Variants in EXOC1 observed in about 807,000 individuals in gnomAD.
EXOC1 encodes the protein exocyst complex component 1, also known as SEC3-like 1.
Under a neutral mutation model 107.7 loss-of-function variants are expected in EXOC1, and 67 were observed. That is an observed-to-expected ratio of 0.62 (90% confidence interval 0.51 to 0.76). EXOC1 has a LOEUF of 0.76. Among genes scored for constraint, EXOC1 ranks in the 30% least tolerant of loss-of-function variants. EXOC1 has a pLI of 0.00. For synonymous variants in EXOC1, 348 were observed against 353.5 expected, an observed-to-expected ratio of 0.98 and a Z score of 0.17; for missense variants, 833 against 1,055.7, an observed-to-expected ratio of 0.79 and a Z score of 2.92.
intron 8 of EXOC1, chr4:55,876,002 C>T (rs1722862142): frequency 1.0e-6 from 1 of 973,770 alleles, no homozygotes; most frequent in South Asian, 4.8e-5. Flanking sequence ...ACATGTGATG[C>T]TGTAGAATCC....
chr4:55,882,829 A>C (rs1022270901), intron 9 of EXOC1: 4 of 152,174 alleles, frequency 2.6e-5, no homozygotes, highest in Non-Finnish European at 5.9e-5. Context: ...TAATATAGGA[A>C]ATTGAAGCTT....
At chr4:55,877,489 T>C (rs1005677351) in intron 8 of EXOC1, 1 of 985,046 alleles carries the variant, frequency 1.0e-6, no homozygotes, top group Non-Finnish European at 1.2e-6. Context: ...GTTTTAAATA[T>C]TACAAACTCT....
At chr4:55,889,590 G>C (rs1041198029) in intron 11 of EXOC1, among the ~76,000 whole-genome samples, 6 of 151,996 alleles carry the variant, frequency 3.9e-5, no homozygotes, top group African/African-American at 1.5e-4. Context: ...GAGTTTTCAG[G>C]GTGTTTTTTC....
chr4:55,863,365 A>C (rs746460441), intron 3 of EXOC1, among the ~76,000 whole-genome samples: 1 of 152,104 alleles, frequency 6.6e-6, no homozygotes, highest in African/African-American at 2.4e-5. Context: ...TAGGCCAGGA[A>C]CAGGGCTCAT....
At chr4:55,862,981 G>C (rs942886701) in intron 3 of EXOC1, among the ~76,000 whole-genome samples, 4 of 152,006 alleles carry the variant, frequency 2.6e-5, no homozygotes, top group Admixed American at 1.3e-4. Context: ...GCTCACTGCA[G>C]CCTCCACCTT....
At chr4:55,899,967 T>C in intron 17 of EXOC1, 83 bp downstream of exon 17, 2 of 1,207,622 alleles carry the variant, frequency 1.7e-6, no homozygotes, top group Non-Finnish European at 2.3e-6. Flanking sequence ...CAGACATTTA[T>C]CTTAAATTTT....
Position 55,871,944 on chromosome 4 carries a change from G to GTT in EXOC1, c.1064_1065dup (p.Val356LeufsTer19). 6.2e-7 allele frequency: 1 copy of GTT among 1,613,164 alleles called. No homozygotes were observed. The highest frequency in any genetic ancestry group is 8.5e-7 in the Non-Finnish European group (1 of 1,179,516). ...GAGACTGGCCAGTCACCTCAACAATGTTTTTGTTCAACAGGTAATTTTATT... is the reference window on the plus strand; with the variant it reads ...GAGACTGGCCAGTCACCTCAACAATGTTTTTTTGTTCAACAGGTAATTTTATT... On this transcript the variant is annotated frameshift_variant, in exon 8 of 19. Transcript: ENST00000381295. LOFTEE classifies it high-confidence loss of function.
chr4:55,878,699 A>G (rs1271881369), intron 9 of EXOC1, among the ~76,000 whole-genome samples: 1 of 152,208 alleles, frequency 6.6e-6, no homozygotes, highest in African/African-American at 2.4e-5. Flanking sequence ...TAAACCAGAA[A>G]TAAGAGAAAG....
chr4:55,869,761 T>A (rs576223390), intron 5 of EXOC1, among the ~76,000 whole-genome samples: 1 of 152,230 alleles, frequency 6.6e-6, no homozygotes, highest in African/African-American at 2.4e-5. Context: ...TTTTATTTAC[T>A]GTGGATAGTA....
chr4:55,894,318 C>T (rs1256337633), intron 15 of EXOC1, among the ~76,000 whole-genome samples: 1 of 141,560 alleles, frequency 7.1e-6, no homozygotes, highest in Non-Finnish European at 1.5e-5. Context: ...AGAGTGAAGA[C>T]TGTGTCAAAA....
At chr4:55,886,683 AAATT>A (rs1320835041) in intron 10 of EXOC1, among the ~76,000 whole-genome samples, 3 of 152,180 alleles carry the variant, frequency 2.0e-5, no homozygotes, top group South Asian at 2.1e-4. Context: ...CAATGAATGA[AAATT>A]AAGTAATTAT....
intron 9 of EXOC1, among the ~76,000 whole-genome samples, chr4:55,878,434 G>A (rs1270278461): frequency 6.6e-6 from 1 of 152,132 alleles, no homozygotes; most frequent in African/African-American, 2.4e-5. Context: ...AATATAAAGT[G>A]CCTCTTTATT....
intron 5 of EXOC1, among the ~76,000 whole-genome samples, chr4:55,870,412 G>A (rs1034666386): frequency 6.6e-6 from 1 of 152,190 alleles, no homozygotes; most frequent in Admixed American, 6.5e-5. Flanking sequence ...CCTTACTTGT[G>A]CAGTCTGTGG....
intron 1 of EXOC1, among the ~76,000 whole-genome samples, chr4:55,857,467 C>T (rs561259134): frequency 8.5e-5 from 13 of 152,130 alleles, no homozygotes; most frequent in Middle Eastern, 3.4e-3. Context: ...CGCCCGTGCC[C>T]GGCCCTTTGT....
chr4:55,863,044 G>A (rs1287199943), intron 3 of EXOC1, among the ~76,000 whole-genome samples: 1 of 151,952 alleles, frequency 6.6e-6, no homozygotes, highest in Non-Finnish European at 1.5e-5. Flanking sequence ...GGGACTACAC[G>A]TACATGCCAC....
intron 3 of EXOC1, 104 bp downstream of exon 3, chr4:55,860,645 GTTTGT>G: frequency 7.4e-7 from 1 of 1,359,724 alleles, no homozygotes; most frequent in African/African-American, 1.5e-5. Context: ...TAATATATAT[GTTTGT>G]TTTCTTATTT....
At chr4:55,888,548 C>G (rs1052269683) in intron 10 of EXOC1, among the ~76,000 whole-genome samples, 2 of 151,608 alleles carry the variant, frequency 1.3e-5, no homozygotes, top group African/African-American at 4.8e-5. Flanking sequence ...CTCAGGAAAC[C>G]CAAACTTGCA....
intron 5 of EXOC1, among the ~76,000 whole-genome samples, chr4:55,870,414 A>G (rs961745837): frequency 2.0e-5 from 3 of 152,244 alleles, no homozygotes; most frequent in Non-Finnish European, 4.4e-5. Context: ...TTACTTGTGC[A>G]GTCTGTGGAA....
intron 10 of EXOC1, among the ~76,000 whole-genome samples, chr4:55,884,805 A>G (rs1723714528): frequency 1.3e-5 from 2 of 152,202 alleles, no homozygotes; most frequent in South Asian, 4.1e-4. Flanking sequence ...ATCAAGAAAC[A>G]TGATTCAAAA....
Sources: gnomAD v4.1 joint callset for allele counts (sites outside exome capture counted in the v4.1 genomes callset) on GRCh38, gnomAD v4.1.1 for gene constraint, MANE v1.5 for transcripts, NCBI Gene and HGNC (gene_info 2026-07-23, HGNC 2026-07-21) for gene names.